GSS: variants seen among roughly 807,000 people sequenced by gnomAD.
The protein encoded by GSS is glutathione synthetase.
A neutral mutation model predicts 60.4 loss-of-function variants in GSS; 34 were observed. The ratio of observed to expected loss-of-function variants is 0.56; its 90% CI spans 0.43 to 0.75. GSS has a LOEUF of 0.75. Among genes scored for constraint, GSS ranks in the 30% least tolerant of loss-of-function variants. GSS has a pLI of 0.00. For missense variants in GSS, 499 were observed against 595.1 expected, an observed-to-expected ratio of 0.84 and a Z score of 1.68; for synonymous variants, 224 against 239.0, an observed-to-expected ratio of 0.94 and a Z score of 0.58.
intron 4 of GSS, 130 bp downstream of exon 4, chr20:34,942,801 C>A: frequency 1.1e-6 from 1 of 934,222 alleles, no homozygotes; most frequent in Non-Finnish European, 1.7e-6. Flanking sequence ...CTGGGATAAA[C>A]CCAGTGAGGA....
At chr20:34,931,733 G>A in intron 10 of GSS, 1 of 627,248 alleles carries the variant, frequency 1.6e-6, no homozygotes, top group Non-Finnish European at 2.8e-6. Flanking sequence ...TTTGCTGAGG[G>A]AGCTTACAAT....
intron 5 of GSS, 138 bp from the exon 6 acceptor site, chr20:34,941,967 A>G: frequency 1.4e-6 from 1 of 720,246 alleles, no homozygotes; most frequent in Non-Finnish European, 2.6e-6. Context: ...TTCCTGTAAG[A>G]TCCACTTCAG....
At chr20:34,934,449 G>C (rs923940220) in intron 9 of GSS, among the ~76,000 whole-genome samples, 5 of 151,808 alleles carry the variant, frequency 3.3e-5, no homozygotes, top group African/African-American at 1.2e-4. Context: ...GCTAATTTTT[G>C]TATTTTTAGT....
chr20:34,934,642 C>T (rs1189563244), intron 9 of GSS, among the ~76,000 whole-genome samples: 1 of 152,136 alleles, frequency 6.6e-6, no homozygotes, highest in East Asian at 1.9e-4. Context: ...CACTGCTAAC[C>T]ACCTATCTAA....
chr20:34,931,234 C>T, intron 11 of GSS, 102 bp downstream of exon 11: 1 of 926,806 alleles, frequency 1.1e-6, no homozygotes, highest in South Asian at 1.3e-5. Context: ...CCAATAGTTT[C>T]CCCCATGCCC....
At chr20:34,933,090 C>A (rs907720232) in intron 9 of GSS, among the ~76,000 whole-genome samples, 2 of 152,164 alleles carry the variant, frequency 1.3e-5, no homozygotes, top group African/African-American at 4.8e-5. Flanking sequence ...ATGCAATCCA[C>A]CTACCTAGGC....
chr20:34,946,052 C>CT lies in GSS; in HGVS notation c.175dup (p.Ser59LysfsTer40), dbSNP rs1290762943. The CT allele has an allele frequency of 6.2e-7, 1 of 1,613,804 alleles. No homozygotes were observed. The highest frequency in any genetic ancestry group is 1.3e-5 in the African/African-American group (1 of 74,934). ...AGCATAGGCTTGCTCCAGCAGGGCA[C>CT]TGGGGACCAGTGAGGGGAAGAGCGT... On this transcript the variant is annotated frameshift_variant, in exon 3 of 13. Coordinates refer to ENST00000651619, the MANE Select transcript of GSS (RefSeq NM_000178.4). LOFTEE classifies it high-confidence loss of function.
At chr20:34,934,645 C>T (rs1427038104) in intron 9 of GSS, among the ~76,000 whole-genome samples, 1 of 152,144 alleles carries the variant, frequency 6.6e-6, no homozygotes, top group Non-Finnish European at 1.5e-5. Context: ...TGCTAACCAC[C>T]TATCTAAAGA....
chr20:34,930,878 C>T (rs373251522), intron 11 of GSS, among the ~76,000 whole-genome samples: 2 of 152,110 alleles, frequency 1.3e-5, no homozygotes, highest in East Asian at 1.9e-4. Flanking sequence ...TTTCATGGCC[C>T]GGTGCCTTGG....
At chr20:34,949,777 C>T (rs1385306273) in intron 2 of GSS, 1 of 152,114 alleles carries the variant, frequency 6.6e-6, no homozygotes, top group Non-Finnish European at 1.5e-5. Flanking sequence ...TAATGCCTGG[C>T]ACATACTAAA....
intron 8 of GSS, among the ~76,000 whole-genome samples, chr20:34,936,069 G>A (rs1237077022): frequency 6.6e-6 from 1 of 152,216 alleles, no homozygotes; most frequent in East Asian, 1.9e-4. Flanking sequence ...GGGTGAAGGT[G>A]AAAACGCAAA....
chr20:34,928,718 T>C lies in GSS; in HGVS notation c.*110A>G. 2 of 1,250,542 alleles carry C rather than the reference T, an allele frequency of 1.6e-6. No individual in the cohort carries two copies. The highest frequency in any genetic ancestry group is 2.3e-6 in the Non-Finnish European group (2 of 865,038). The allele number at this position is 1,250,542 out of a possible 1,614,324, so 77.5% of individuals were successfully genotyped here. On this transcript the variant is annotated 3_prime_UTR_variant, in exon 13 of 13. Coordinates refer to ENST00000651619, the MANE Select transcript of GSS (RefSeq NM_000178.4). ...GGAAAGCTGGGGGAAGGTACCAGTA[T>C]TTACCCTTCCATAAAAACTTTGGAG... is the stretch of plus-strand genomic sequence containing the variant.
At chr20:34,954,890 A>C (rs1390420271) in intron 1 of GSS, 3 of 153,566 alleles carry the variant, frequency 2.0e-5, no homozygotes, top group African/African-American at 7.2e-5. Context: ...TTTGCTGCCT[A>C]AGTATATAGT....
intron 1 of GSS, 81 bp from the exon 2 acceptor site, chr20:34,951,941 C>A: frequency 2.1e-6 from 3 of 1,454,678 alleles, no homozygotes; most frequent in Non-Finnish European, 2.9e-6. Flanking sequence ...CGGCCACCCC[C>A]AACACAGCAG....
At chr20:34,933,265 C>A (rs35351954) in intron 9 of GSS, among the ~76,000 whole-genome samples, 13 of 152,292 alleles carry the variant, frequency 8.5e-5, no homozygotes, top group African/African-American at 3.1e-4. Flanking sequence ...CAGTTCCTGG[C>A]ACTTTGTAGT....
In GSS at chr20:34,942,925, G is replaced by C; in HGVS notation, c.351+6C>G. ...TACAGACTGGAGTAGGGCTGGGAAT[G>C]GTTACCTGGGCAATGCCCTCTTTTA... On this transcript the variant is annotated splice_donor_region_variant and intron_variant, in intron 4 of 12. Transcript: ENST00000651619. 1.9e-6 allele frequency: 3 copies of C among 1,581,314 alleles called. No individual in the cohort carries two copies. Among genetic ancestry groups the C allele is most frequent in the Non-Finnish European group, 2.6e-6 (3 of 1,151,856 alleles).
At chr20:34,937,251 C>T (rs962557297) in intron 6 of GSS, among the ~76,000 whole-genome samples, 1 of 152,172 alleles carries the variant, frequency 6.6e-6, no homozygotes, top group Non-Finnish European at 1.5e-5. Flanking sequence ...AATGAAGATG[C>T]CTCTGACCCT....
chr20:34,943,501 A>G (rs543084375), intron 3 of GSS, among the ~76,000 whole-genome samples: 3 of 152,188 alleles, frequency 2.0e-5, no homozygotes, highest in African/African-American at 7.2e-5. Flanking sequence ...CCTCCACAGC[A>G]GCCCTTGGAG....
At chr20:34,948,988 G>T (rs1212755034) in intron 2 of GSS, among the ~76,000 whole-genome samples, 2 of 151,904 alleles carry the variant, frequency 1.3e-5, no homozygotes, top group African/African-American at 4.8e-5. Flanking sequence ...GTTGCCAGAT[G>T]ATATAATTTT....
Sources: gnomAD v4.1 joint callset for allele counts (sites outside exome capture counted in the v4.1 genomes callset) on GRCh38, gnomAD v4.1.1 for gene constraint, MANE v1.5 for transcripts, NCBI Gene and HGNC (gene_info 2026-07-23, HGNC 2026-07-21) for gene names.